PSEN1: variants seen among roughly 807,000 people sequenced by gnomAD.
PSEN1 encodes presenilin-1.
Under a neutral mutation model 53.5 loss-of-function variants are expected in PSEN1, and 15 were observed. The observed-to-expected ratio is 0.28, with a 90% confidence interval of 0.19 to 0.43. The LOEUF (loss-of-function observed/expected upper bound fraction) is 0.43, where lower values mean the gene tolerates loss of function less well. PSEN1 is among the 20% of genes least tolerant of loss of function. The probability of loss-of-function intolerance (pLI) is 1.00; values close to 1 mark genes in which losing one functional copy is unlikely to be tolerated. For missense variants in PSEN1, 387 were observed against 571.2 expected, an observed-to-expected ratio of 0.68 and a Z score of 3.29; for synonymous variants, 208 against 209.8, an observed-to-expected ratio of 0.99 and a Z score of 0.08.
At position 73,178,657 on chromosome 14, in the gene PSEN1, A is replaced by T. The variant is rs1898115926; in HGVS notation, c.480+4950A>T. ...TTTGTTGGTAAACCTATTCAGTAAAATGTTTTTGGTTATTTTATTTTTAGT... is the reference window on the plus strand; with the variant it reads ...TTTGTTGGTAAACCTATTCAGTAAATTGTTTTTGGTTATTTTATTTTTAGT... On this transcript the variant is annotated intron_variant, in intron 5 of 11. Transcript: ENST00000324501. Among the ~76,000 whole-genome samples the T allele has an allele frequency of 1.3e-5, 2 of 152,140 alleles. 1 individual carries two copies. Among genetic ancestry groups the T allele is most frequent in the South Asian group, 4.1e-4 (2 of 4,826 alleles).
chr14:73,180,530 T>C (rs1046534828), intron 5 of PSEN1, among the ~76,000 whole-genome samples: 15 of 152,218 alleles, frequency 9.9e-5, no homozygotes, highest in African/African-American at 3.6e-4. Flanking sequence ...TGGTTGGTTA[T>C]GCAATGTCTG....
intron 3 of PSEN1, among the ~76,000 whole-genome samples, chr14:73,150,466 A>G (rs938852273): frequency 6.6e-6 from 1 of 152,180 alleles, no homozygotes; most frequent in Non-Finnish European, 1.5e-5. Context: ...TACACTTGGC[A>G]TGTTTTAAAA....
At chr14:73,190,800 G>A (rs1016309708) in intron 6 of PSEN1, among the ~76,000 whole-genome samples, 1 of 152,178 alleles carries the variant, frequency 6.6e-6, no homozygotes, top group Non-Finnish European at 1.5e-5. Context: ...AGTATCTGTT[G>A]TGAATTTTAT....
At chr14:73,151,878 T>TATATATATATATA (rs1897233725) in intron 3 of PSEN1, among the ~76,000 whole-genome samples, 2 of 56,908 alleles carry the variant, frequency 3.5e-5, no homozygotes, top group Admixed American at 2.9e-4. Flanking sequence ...CTAAAATATT[T>TATATATATATATA]TATATATATA....
chr14:73,145,731 A>T (rs978629015), intron 1 of PSEN1, among the ~76,000 whole-genome samples: 4 of 152,222 alleles, frequency 2.6e-5, no homozygotes, highest in African/African-American at 9.6e-5. Flanking sequence ...TTTTTGCATC[A>T]TACTAAAGCT....
intron 8 of PSEN1, among the ~76,000 whole-genome samples, chr14:73,203,414 A>G (rs1282700949): frequency 2.0e-5 from 3 of 152,098 alleles, no homozygotes; most frequent in Non-Finnish European, 4.4e-5. Context: ...AACAGAATGT[A>G]AGAATTTTTT....
chr14:73,186,381 GA>G (rs1025371267), intron 5 of PSEN1, among the ~76,000 whole-genome samples: 11 of 144,720 alleles, frequency 7.6e-5, no homozygotes, highest in Non-Finnish European at 9.1e-5. Flanking sequence ...CTCCGTCTCA[GA>G]AAAAAAAAAA....
chr14:73,149,125 A>T (rs923494468), intron 3 of PSEN1, among the ~76,000 whole-genome samples: 1 of 152,230 alleles, frequency 6.6e-6, no homozygotes, highest in East Asian at 1.9e-4. Flanking sequence ...CTCTGTTAGG[A>T]CCAGAGAGCA....
chr14:73,160,803 C>CTTTTTTTTT (rs34048372), intron 3 of PSEN1, among the ~76,000 whole-genome samples: 7 of 84,720 alleles, frequency 8.3e-5, no homozygotes, highest in Admixed American at 1.8e-4. Flanking sequence ...AATTGTAGGA[C>CTTTTTTTTT]TTTTTTTTTT....
At chr14:73,213,161 T>C (rs1015116629) in intron 10 of PSEN1, among the ~76,000 whole-genome samples, 2 of 152,204 alleles carry the variant, frequency 1.3e-5, no homozygotes, top group African/African-American at 4.8e-5. Flanking sequence ...AAAGTAGACG[T>C]ATCTGCCTGC....
chr14:73,167,302 T>C (rs1167774782), intron 3 of PSEN1, among the ~76,000 whole-genome samples: 4 of 152,158 alleles, frequency 2.6e-5, no homozygotes, highest in Non-Finnish European at 5.9e-5. Flanking sequence ...TTCAAAGTGC[T>C]CCCAAATCTG....
At chr14:73,173,287 A>G (rs1462172723) in intron 4 of PSEN1, among the ~76,000 whole-genome samples, 1 of 152,184 alleles carries the variant, frequency 6.6e-6, no homozygotes, top group African/African-American at 2.4e-5. Flanking sequence ...ATGAGGTATT[A>G]TAATTATTTC....
chr14:73,216,493 G>T (rs779524422), intron 10 of PSEN1, among the ~76,000 whole-genome samples: 1 of 152,160 alleles, frequency 6.6e-6, no homozygotes, highest in Admixed American at 6.6e-5. Flanking sequence ...ATGTGTGGTG[G>T]CTCACGTCTG....
chr14:73,216,341 T>C (rs1899912261), intron 10 of PSEN1, among the ~76,000 whole-genome samples: 1 of 152,210 alleles, frequency 6.6e-6, no homozygotes. Flanking sequence ...ATGTGGATTG[T>C]GATGATAGTT....
At chr14:73,201,394 C>A (rs937584506) in intron 8 of PSEN1, among the ~76,000 whole-genome samples, 2 of 151,950 alleles carry the variant, frequency 1.3e-5, no homozygotes, top group Non-Finnish European at 2.9e-5. Flanking sequence ...CCGAGAATAT[C>A]ATTTTTTATA....
chr14:73,184,310 C>A (rs1332210824), intron 5 of PSEN1, among the ~76,000 whole-genome samples: 1 of 126,646 alleles, frequency 7.9e-6, no homozygotes, highest in Non-Finnish European at 1.7e-5. Context: ...GCTGACCCCC[C>A]CACCTCCCTC....
rs1012659934 is a variant in PSEN1, at chr14:73,177,471, C to T, written c.480+3764C>T. ...TAGGCAAGAGTGCTAGGATTACAGG[C>T]GTGAGCCGCTATGCCAGGACAGCCG... On this transcript the variant is annotated intron_variant, in intron 5 of 11. Coordinates refer to ENST00000324501, the MANE Select transcript of PSEN1 (RefSeq NM_000021.4). Among the ~76,000 whole-genome samples the T allele has an allele frequency of 3.3e-5, 5 of 152,142 alleles. No individual in the cohort carries two copies. In the South Asian group the frequency reaches 8.3e-4, roughly 25 times the overall value.
intron 3 of PSEN1, among the ~76,000 whole-genome samples, chr14:73,156,170 A>G (rs893101921): frequency 1.3e-5 from 2 of 151,902 alleles, no homozygotes; most frequent in African/African-American, 4.8e-5. Context: ...CCCCATCTCT[A>G]TGAAATAAAA....
rs1342613473 is a variant in PSEN1, at chr14:73,144,343, T to A, written c.-135-3452T>A. Among the ~76,000 whole-genome samples the A allele has an allele frequency of 2.0e-5, 3 of 152,142 alleles. No individual in the cohort carries two copies. In the South Asian group the frequency reaches 6.2e-4, roughly 31 times the overall value. On this transcript the variant is annotated intron_variant, in intron 1 of 11. Transcript: ENST00000324501. Reference sequence around the variant, plus strand: ...GCGTGAGCCACTGCGCCCAGCCAGCTTATCCTTTTTTAAAAAAACATAAAT... The same window carrying A: ...GCGTGAGCCACTGCGCCCAGCCAGCATATCCTTTTTTAAAAAAACATAAAT...
Sources: gnomAD v4.1 joint callset for allele counts (sites outside exome capture counted in the v4.1 genomes callset) on GRCh38, gnomAD v4.1.1 for gene constraint, MANE v1.5 for transcripts, NCBI Gene and HGNC (gene_info 2026-07-23, HGNC 2026-07-21) for gene names.